The following KCNT2 variants were observed in gnomAD, a reference collection of about 807,000 sequenced individuals.
The protein encoded by KCNT2 is potassium channel subfamily T member 2.
A neutral mutation model predicts 153.8 loss-of-function variants in KCNT2; 67 were observed. That is an observed-to-expected ratio of 0.44 (90% CI 0.36 to 0.53). The LOEUF (loss-of-function observed/expected upper bound fraction) is 0.53, where lower values mean the gene tolerates loss of function less well. Among genes scored for constraint, KCNT2 ranks in the 20% least tolerant of loss-of-function variants. The pLI is 0.00. For missense variants in KCNT2, 975 were observed against 1,354.8 expected, an observed-to-expected ratio of 0.72 and a Z score of 4.40; for synonymous variants, 500 against 458.8, an observed-to-expected ratio of 1.09 and a Z score of -1.15.
chr1:196,413,443 T>A (rs535926529), intron 12 of KCNT2, among the ~76,000 whole-genome samples: 118 of 151,750 alleles, frequency 7.8e-4, no homozygotes, highest in African/African-American at 2.7e-3. Context: ...TGAAGAAAAA[T>A]GAGCTAAAAT....
intron 13 of KCNT2, among the ~76,000 whole-genome samples, chr1:196,380,605 C>T (rs1456995879): frequency 3.9e-5 from 6 of 152,108 alleles, no homozygotes; most frequent in African/African-American, 1.4e-4. Flanking sequence ...ATCAAATATC[C>T]TTTGGAAAAT....
chr1:196,273,781 T>C (rs1026147796), intron 25 of KCNT2, among the ~76,000 whole-genome samples: 3 of 151,744 alleles, frequency 2.0e-5, no homozygotes, highest in Admixed American at 1.3e-4. Context: ...TATTCCACTA[T>C]GCACATTTTT....
chr1:196,496,243 G>C (rs1680241184), intron 1 of KCNT2, among the ~76,000 whole-genome samples: 1 of 152,052 alleles, frequency 6.6e-6, no homozygotes. Context: ...GCCGAGGCGG[G>C]TGGATCACGA....
At chr1:196,590,526 T>C (rs1180637738) in intron 1 of KCNT2, among the ~76,000 whole-genome samples, 2 of 152,146 alleles carry the variant, frequency 1.3e-5, no homozygotes, top group African/African-American at 4.8e-5. Context: ...TCCTGCTTCC[T>C]CCCAGACCCT....
intron 26 of KCNT2, among the ~76,000 whole-genome samples, chr1:196,251,890 GC>G (rs1246642732): frequency 6.6e-6 from 1 of 151,668 alleles, no homozygotes; most frequent in African/African-American, 2.4e-5. Context: ...CCTAGTATGT[GC>G]TCACAAAAAT....
chr1:196,318,585 T>C (rs1429547628), intron 20 of KCNT2, among the ~76,000 whole-genome samples: 6 of 151,812 alleles, frequency 4.0e-5, no homozygotes, highest in African/African-American at 1.5e-4. Flanking sequence ...GATGATTGGT[T>C]ATAAAACATG....
chr1:196,453,524 C>T (rs370636448), intron 8 of KCNT2, among the ~76,000 whole-genome samples: 2 of 151,922 alleles, frequency 1.3e-5, no homozygotes, highest in Non-Finnish European at 2.9e-5. Context: ...TTCCAATAGA[C>T]AGTAATTTTT....
At chr1:196,336,281 G>A (rs570049584) in intron 16 of KCNT2, among the ~76,000 whole-genome samples, 62 of 151,992 alleles carry the variant, frequency 4.1e-4, no homozygotes, top group Non-Finnish European at 6.3e-4. Context: ...CTTAGCTTTT[G>A]TAATTATTAC....
In KCNT2 at chr1:196,455,879, C is replaced by A. The variant is rs1266332093; in HGVS notation, c.638+9414G>T. Among the ~76,000 whole-genome samples, 6 of 152,146 alleles carry A rather than the reference C, an allele frequency of 3.9e-5. No individual in the cohort carries two copies. In the East Asian group the frequency reaches 1.2e-3, roughly 30 times the overall value. ...TCTGACCCTGTTCTCAAATTTCCCACTTTCAGTAGATGGAGAGGCCTCAGC... is the reference window on the plus strand; with the variant it reads ...TCTGACCCTGTTCTCAAATTTCCCAATTTCAGTAGATGGAGAGGCCTCAGC... On this transcript the variant is annotated intron_variant, in intron 8 of 27. Coordinates refer to ENST00000294725, the MANE Select transcript of KCNT2 (RefSeq NM_198503.5).
intron 5 of KCNT2, among the ~76,000 whole-genome samples, chr1:196,476,824 TACTGC>T (rs563609089): frequency 6.4e-4 from 97 of 152,320 alleles, no homozygotes; most frequent in Middle Eastern, 3.4e-3. Context: ...TGCTTCATCC[TACTGC>T]TTTGAGTAAG....
intron 1 of KCNT2, among the ~76,000 whole-genome samples, chr1:196,598,982 T>C (rs971750775): frequency 6.6e-6 from 1 of 152,232 alleles, no homozygotes; most frequent in African/African-American, 2.4e-5. Context: ...ATAAACTCTT[T>C]TGAGCAGAGA....
At chr1:196,552,913 A>G (rs959669835) in intron 1 of KCNT2, among the ~76,000 whole-genome samples, 6 of 151,350 alleles carry the variant, frequency 4.0e-5, no homozygotes, top group Non-Finnish European at 8.9e-5. Context: ...CAGAAAACAT[A>G]CAATGGATAT....
chr1:196,534,316 T>G (rs1433275387), intron 1 of KCNT2, among the ~76,000 whole-genome samples: 1 of 152,156 alleles, frequency 6.6e-6, no homozygotes, highest in Non-Finnish European at 1.5e-5. Flanking sequence ...TACTAGACTC[T>G]GTGGAAAATT....
intron 12 of KCNT2, among the ~76,000 whole-genome samples, chr1:196,401,073 G>T (rs1304043888): frequency 6.6e-6 from 1 of 151,740 alleles, no homozygotes; most frequent in Non-Finnish European, 1.5e-5. Context: ...CTGTGAATGA[G>T]TGTAAACATC....
At chr1:196,230,894 T>A (rs1653892217) in intron 27 of KCNT2, among the ~76,000 whole-genome samples, 1 of 151,908 alleles carries the variant, frequency 6.6e-6, no homozygotes, top group Admixed American at 6.6e-5. Context: ...AGCAGCAGGG[T>A]TTGAAAGGAT....
intron 26 of KCNT2, among the ~76,000 whole-genome samples, chr1:196,244,563 G>A (rs1300206805): frequency 6.6e-6 from 1 of 152,148 alleles, no homozygotes; most frequent in African/African-American, 2.4e-5. Flanking sequence ...TAGCCAGGTA[G>A]TACCCAACAT....
At chr1:196,399,553 A>G (rs536735768) in intron 12 of KCNT2, among the ~76,000 whole-genome samples, 5 of 151,924 alleles carry the variant, frequency 3.3e-5, no homozygotes, top group African/African-American at 9.6e-5. Flanking sequence ...ACCATCACAG[A>G]AAGTTCTATT....
intron 1 of KCNT2, among the ~76,000 whole-genome samples, chr1:196,532,772 A>G (rs968642578): frequency 2.0e-5 from 3 of 151,942 alleles, no homozygotes; most frequent in African/African-American, 7.2e-5. Context: ...ATAATGTTCT[A>G]CTTTATTAAT....
chr1:196,396,885 G>A (rs1670983494), intron 13 of KCNT2, among the ~76,000 whole-genome samples: 1 of 151,208 alleles, frequency 6.6e-6, no homozygotes. Context: ...CTCGATGGAA[G>A]CATACCAACG....
Sources: gnomAD v4.1 joint callset for allele counts (sites outside exome capture counted in the v4.1 genomes callset) on GRCh38, gnomAD v4.1.1 for gene constraint, MANE v1.5 for transcripts, NCBI Gene and HGNC (gene_info 2026-07-23, HGNC 2026-07-21) for gene names.